KAT7: variants seen among roughly 807,000 people sequenced by gnomAD.
KAT7 encodes the protein lysine acetyltransferase 7.
KAT7 carries 10 observed loss-of-function variants against 82.1 expected under a neutral mutation model. The observed-to-expected ratio is 0.12, with a 90% CI of 0.08 to 0.21. The LOEUF (loss-of-function observed/expected upper bound fraction) is 0.21. Among genes scored for constraint, KAT7 ranks in the 10% least tolerant of loss-of-function variants. The pLI is 1.00. For synonymous variants in KAT7, 250 were observed against 262.5 expected (o/e 0.95, Z 0.46); for missense variants, 378 against 760.9 (o/e 0.50, Z 5.92).
chr17:49,789,515 T>G (rs2073856689), intron 1 of KAT7: 1 of 152,162 alleles, frequency 6.6e-6, no homozygotes, highest in Non-Finnish European at 1.5e-5. Flanking sequence ...AACTAAAAAC[T>G]TCTAGAATTA....
At chr17:49,823,499 C>T (rs2074331036) in intron 12 of KAT7, 1 of 506,492 alleles carries the variant, frequency 2.0e-6, no homozygotes, top group South Asian at 2.3e-5. Flanking sequence ...AGGACTCCTC[C>T]TTAATGAGTA....
At chr17:49,819,859 C>T (rs1336062106) in intron 9 of KAT7, among the ~76,000 whole-genome samples, 1 of 152,200 alleles carries the variant, frequency 6.6e-6, no homozygotes, top group African/African-American at 2.4e-5. Flanking sequence ...ATGGAATTTT[C>T]TTGGATGGAT....
At position 49,833,103 on chromosome 17, in the gene KAT7, C is replaced by T. The variant is rs932808587; in HGVS notation, c.*5601C>T. 3 of 152,196 alleles carry T rather than the reference C, an allele frequency of 2.0e-5. No individual in the cohort carries two copies. The highest frequency in any genetic ancestry group is 1.9e-4 in the East Asian group (1 of 5,202). 9.4% of individuals were successfully genotyped at this position (152,196 alleles called of 1,614,324 possible). A position where few individuals can be genotyped will look rare whatever the true frequency, so the allele number is the denominator to read the frequency against. ...TGCCAAAACATCAGTTTGCCCCTAA[C>T]CTCTTGTGCAATACCTTTAAGTCCA... On this transcript the variant is annotated 3_prime_UTR_variant, in exon 15 of 15. Transcript: ENST00000259021.
intron 4 of KAT7, among the ~76,000 whole-genome samples, chr17:49,800,472 A>T (rs2074011001): frequency 6.6e-6 from 1 of 152,202 alleles, no homozygotes; most frequent in Admixed American, 6.5e-5. Flanking sequence ...GAAAGACAAT[A>T]TATTACACTA....
In KAT7 at chr17:49,831,959, ATT is replaced by A. The variant is rs754906646; in HGVS notation, c.*4470_*4471del. ...CAGGCGTGAGCCATTGCACCCAGCC[ATT>A]TTTTTTTTTTTTAAGACGACGTCTC... On this transcript the variant is annotated 3_prime_UTR_variant, in exon 15 of 15. Transcript: ENST00000259021. 3.0e-5 allele frequency: 4 copies of A among 132,888 alleles called. No individual in the cohort carries two copies. Among genetic ancestry groups the A allele is most frequent in the Non-Finnish European group, 3.2e-5 (2 of 61,948 alleles). 8.2% of individuals were successfully genotyped at this position (132,888 alleles called of 1,614,324 possible).
At chr17:49,797,795 A>G (rs918244345) in intron 3 of KAT7, among the ~76,000 whole-genome samples, 2 of 152,230 alleles carry the variant, frequency 1.3e-5, no homozygotes, top group African/African-American at 4.8e-5. Context: ...TAGATGGACA[A>G]TGAGCTGTCT....
rs539534598 is a variant in KAT7, at chr17:49,827,658, A to C, written c.*156A>C. ...ACTGTCCTGGCTCCGACCTTTGTGT[A>C]CACTGCAGACGCTGGTTCTGAGGAA... On this transcript the variant is annotated 3_prime_UTR_variant, in exon 15 of 15. Transcript: ENST00000259021. 2 of 615,716 alleles carry C rather than the reference A, an allele frequency of 3.2e-6. No homozygotes were observed. Among genetic ancestry groups the C allele is most frequent in the African/African-American group, 3.7e-5 (2 of 54,218 alleles). 38.1% of individuals were successfully genotyped at this position (615,716 alleles called of 1,614,324 possible).
intron 14 of KAT7, 93 bp downstream of exon 14, chr17:49,826,892 TA>T (rs780454012): frequency 2.4e-4 from 191 of 779,778 alleles, no homozygotes; most frequent in Non-Finnish European, 3.8e-4. Context: ...AACCTTCCCT[TA>T]AAGGAGTTGG....
chr17:49,833,027 T>A lies in KAT7; in HGVS notation c.*5525T>A, dbSNP rs924633764. On this transcript the variant is annotated 3_prime_UTR_variant, in exon 15 of 15. Coordinates refer to ENST00000259021, the MANE Select transcript of KAT7 (RefSeq NM_007067.5). ...GTATCTGCAACAAAATCCCAATGAA[T>A]GTCACCAAGAAGGAAACAAAGGATT... The A allele has an allele frequency of 6.6e-6, 1 of 152,204 alleles. No individual in the cohort carries two copies. Among genetic ancestry groups the A allele is most frequent in the Non-Finnish European group, 1.5e-5 (1 of 68,030 alleles). 9.4% of individuals were successfully genotyped at this position (152,204 alleles called of 1,614,324 possible). A position where few individuals can be genotyped will look rare whatever the true frequency, so the allele number is the denominator to read the frequency against.
At chr17:49,824,870 T>A (rs2074350447) in intron 12 of KAT7, 1 of 152,172 alleles carries the variant, frequency 6.6e-6, no homozygotes, top group African/African-American at 2.4e-5. Flanking sequence ...TTGTTTTACC[T>A]ACATTTTCAC....
At chr17:49,818,157 A>G in intron 9 of KAT7, 146 bp downstream of exon 9, 1 of 654,904 alleles carries the variant, frequency 1.5e-6, no homozygotes, top group Non-Finnish European at 2.6e-6. Flanking sequence ...GACAGGCCAC[A>G]GCTTAAGGCG....
At chr17:49,807,352 C>T (rs1348315207) in intron 5 of KAT7, among the ~76,000 whole-genome samples, 6 of 151,908 alleles carry the variant, frequency 3.9e-5, no homozygotes, top group Non-Finnish European at 8.8e-5. Flanking sequence ...TGATCTGGGA[C>T]GTGAATGATG....
chr17:49,826,344 G>T (rs1266697901), intron 13 of KAT7, 198 bp downstream of exon 13: 10 of 544,362 alleles, frequency 1.8e-5, no homozygotes, highest in African/African-American at 1.7e-4. Flanking sequence ...ATCCAGAGTT[G>T]CCAACACTTT....
At chr17:49,814,193 G>A (rs143490298) in intron 7 of KAT7, among the ~76,000 whole-genome samples, 13 of 152,308 alleles carry the variant, frequency 8.5e-5, no homozygotes, top group African/African-American at 3.1e-4. Flanking sequence ...CACCTGGCCT[G>A]TATTTACTTT....
At chr17:49,795,409 T>A in intron 2 of KAT7, 2 of 248,778 alleles carry the variant, frequency 8.0e-6, no homozygotes. Context: ...GTGCTGGACA[T>A]CGGGCAGCAT....
chr17:49,832,530 C>T lies in KAT7; in HGVS notation c.*5028C>T, dbSNP rs764709797. ...TTGTCTATAGTTGAGGAAATTGTGC[C>T]GTTGAAGTCCATTCTTGGACATGGA... On this transcript the variant is annotated 3_prime_UTR_variant, in exon 15 of 15. Coordinates refer to ENST00000259021, the MANE Select transcript of KAT7 (RefSeq NM_007067.5). 2.6e-5 allele frequency: 4 copies of T among 152,088 alleles called. No homozygotes were observed. Among genetic ancestry groups the T allele is most frequent in the Non-Finnish European group, 5.9e-5 (4 of 68,012 alleles). The allele number at this position is 152,088 out of a possible 1,614,324, so 9.4% of individuals were successfully genotyped here. A position where few individuals can be genotyped will look rare whatever the true frequency, so the allele number is the denominator to read the frequency against.
rs2074427882 is a variant in KAT7, at chr17:49,831,892, C to G, written c.*4390C>G. On this transcript the variant is annotated 3_prime_UTR_variant, in exon 15 of 15. Transcript: ENST00000259021. ...GCCAGGATGATCTCGATCTCCTGAC[C>G]TCGTGATCCACTCGCCTCAGCCTCC... The G allele has an allele frequency of 6.6e-6, 1 of 151,844 alleles. No individual in the cohort carries two copies. The highest frequency in any genetic ancestry group is 2.1e-4 in the South Asian group (1 of 4,816). 9.4% of individuals were successfully genotyped at this position (151,844 alleles called of 1,614,324 possible). A position where few individuals can be genotyped will look rare whatever the true frequency, so the allele number is the denominator to read the frequency against.
intron 14 of KAT7, 85 bp downstream of exon 14, chr17:49,826,884 C>G (rs1351756521): frequency 1.2e-6 from 1 of 850,582 alleles, no homozygotes; most frequent in Non-Finnish European, 1.9e-6. Context: ...GACTGGAGAA[C>G]CTTCCCTTAA....
chr17:49,828,004 A>G lies in KAT7; in HGVS notation c.*502A>G, dbSNP rs2074388411. 1 of 154,468 alleles carries G rather than the reference A, an allele frequency of 6.5e-6. No individual in the cohort carries two copies. Among genetic ancestry groups the G allele is most frequent in the Non-Finnish European group, 1.4e-5 (1 of 69,516 alleles). 9.6% of individuals were successfully genotyped at this position (154,468 alleles called of 1,614,324 possible). A position where few individuals can be genotyped will look rare whatever the true frequency, so the allele number is the denominator to read the frequency against. On this transcript the variant is annotated 3_prime_UTR_variant, in exon 15 of 15. Coordinates refer to ENST00000259021, the MANE Select transcript of KAT7 (RefSeq NM_007067.5). ...GTGTGGATTGGCAGGGGGTCCATTC[A>G]CTTTGGGTTCCATCTTGCTTTAAAT...
Sources: allele counts gnomAD v4.1 joint callset (sites outside exome capture counted in the v4.1 genomes callset), GRCh38; gene constraint gnomAD v4.1.1; transcripts MANE v1.5; gene names NCBI Gene and HGNC (gene_info 2026-07-23, HGNC 2026-07-21).